ULK1: variants seen among roughly 807,000 people sequenced by gnomAD.
ULK1 encodes the protein unc-51 like autophagy activating kinase 1, also known as serine/threonine-protein kinase ULK1.
ULK1 carries 48 observed loss-of-function variants against 117.5 expected under a neutral mutation model. The ratio of observed to expected loss-of-function variants is 0.41; its 90% CI spans 0.32 to 0.52. ULK1 has a LOEUF of 0.52. Ranked by LOEUF, ULK1 falls within the 20% of genes least tolerant of loss-of-function variation. The pLI, the probability that ULK1 is intolerant of heterozygous loss-of-function variation, is 0.29. For missense variants in ULK1, 1,387 were observed against 1,473.4 expected, an observed-to-expected ratio of 0.94 and a Z score of 0.96; for synonymous variants, 790 against 637.8, an observed-to-expected ratio of 1.24 and a Z score of -3.60.
intron 13 of ULK1, 72 bp downstream of exon 13, chr12:131,912,161 GCA>G (rs529748156): frequency 4.1e-4 from 634 of 1,534,390 alleles, no homozygotes; most frequent in Non-Finnish European, 5.4e-4. Context: ...TGTGTTGGAT[GCA>G]CAGTGTGTAA....
intron 20 of ULK1, among the ~76,000 whole-genome samples, 157 bp downstream of exon 20, chr12:131,916,748 C>T (rs1217467276): frequency 6.6e-6 from 1 of 152,204 alleles, no homozygotes; most frequent in African/African-American, 2.4e-5. Context: ...GCCTGGCCCA[C>T]CTGTGGCTGG....
Position 131,921,933 on chromosome 12 carries a change from G to A in ULK1, c.*572G>A. The A allele has an allele frequency of 2.2e-6, 1 of 456,494 alleles. No homozygotes were observed. The highest frequency in any genetic ancestry group is 4.4e-6 in the Non-Finnish European group (1 of 226,946). 28.3% of individuals were successfully genotyped at this position (456,494 alleles called of 1,614,324 possible). On this transcript the variant is annotated 3_prime_UTR_variant, in exon 28 of 28. Coordinates refer to ENST00000321867, the MANE Select transcript of ULK1 (RefSeq NM_003565.4). The stretch of plus-strand genomic sequence containing the variant: ...TGGTGTTTGTACATACACATATGCA[G>A]ACACATGCCAGGGCCCCCCAAGCCC...
intron 4 of ULK1, 119 bp from the exon 5 acceptor site, chr12:131,907,376 G>A (rs1184672276): frequency 8.4e-6 from 11 of 1,317,282 alleles, no homozygotes; most frequent in Middle Eastern, 2.0e-4. Context: ...CCCTGGGCTG[G>A]GCAGGTGCCT....
intron 25 of ULK1, 162 bp downstream of exon 25, chr12:131,919,752 G>A: frequency 9.7e-7 from 1 of 1,031,338 alleles, no homozygotes; most frequent in South Asian, 1.5e-5. Context: ...AGAGGCCATT[G>A]GGTCGGACAG....
rs1379652198 is a variant in ULK1, at chr12:131,915,436, GA to G, written c.1609+16del. ...CCCTCGTCCAGGTGGGTGCAGTCCG[GA>G]GGGGGGAGGGGGTGCTAGGCTGACC... On this transcript the variant is annotated intron_variant, in intron 18 of 27. Transcript: ENST00000321867. 2 of 1,611,072 alleles carry G rather than the reference GA, an allele frequency of 1.2e-6. No individual in the cohort carries two copies. Among genetic ancestry groups the G allele is most frequent in the East Asian group, 2.2e-5 (1 of 44,886 alleles).
Position 131,906,002 on chromosome 12 carries a change from G to T in ULK1, c.247-890G>T, listed in dbSNP as rs563637123. Among the ~76,000 whole-genome samples the T allele has an allele frequency of 4.6e-5, 7 of 152,348 alleles. No individual in the cohort carries two copies. The East Asian group carries it at 1.3e-3, about 29-fold the overall frequency. On this transcript the variant is annotated intron_variant, in intron 3 of 27. Coordinates refer to ENST00000321867, the MANE Select transcript of ULK1 (RefSeq NM_003565.4). ...CTCTGACCGAAGGCATTGGGGCGAGGGATGGCAGCCTGAGCTGCAGCCAGG... is the reference window on the plus strand; with the variant it reads ...CTCTGACCGAAGGCATTGGGGCGAGTGATGGCAGCCTGAGCTGCAGCCAGG...
chr12:131,917,861 A>C (rs1185211728), intron 22 of ULK1, among the ~76,000 whole-genome samples: 1 of 152,218 alleles, frequency 6.6e-6, no homozygotes, highest in African/African-American at 2.4e-5. Context: ...CTCCTTGCCC[A>C]GCTGCCGTGG....
intron 3 of ULK1, among the ~76,000 whole-genome samples, chr12:131,904,259 C>T (rs1222192201): frequency 6.6e-6 from 1 of 152,214 alleles, no homozygotes; most frequent in Non-Finnish European, 1.5e-5. Context: ...AGCCACCCTC[C>T]CACCTCAGTC....
At position 131,912,055 on chromosome 12, in the gene ULK1, A is replaced by G. The variant is rs149423522; in HGVS notation, c.1062A>G (p.Thr354=). ...SGGSKDSSCD[T]DDFVMVPAQF... is the part of the protein sequence containing the mutation. ...GCAGCAAGGACTCTTCCTGTGACAC[A>G]GACGACTTCGTCATGGTCCCCGCGC... The change falls in exon 13 of 28, where the codon ACA becomes ACG. Residue 354 remains threonine (T), a synonymous_variant. Coordinates refer to ENST00000321867, the MANE Select transcript of ULK1 (RefSeq NM_003565.4). 1.2e-6 allele frequency: 2 copies of G among 1,612,770 alleles called. No individual in the cohort carries two copies. Among genetic ancestry groups the G allele is most frequent in the Non-Finnish European group, 1.7e-6 (2 of 1,179,922 alleles).
At chr12:131,908,389 C>T (rs943374051) in intron 5 of ULK1, among the ~76,000 whole-genome samples, 5 of 152,136 alleles carry the variant, frequency 3.3e-5, no homozygotes, top group Non-Finnish European at 7.4e-5. Context: ...CTTCGGCGGC[C>T]TCCCGTCTCT....
At chr12:131,905,159 G>T (rs1008232000) in intron 3 of ULK1, among the ~76,000 whole-genome samples, 4 of 152,138 alleles carry the variant, frequency 2.6e-5, no homozygotes, top group Non-Finnish European at 5.9e-5. Context: ...GGATCCTGGG[G>T]TTGCTGCCTG....
In ULK1 at chr12:131,918,566, C is replaced by T. The variant is rs1051094948; in HGVS notation, c.2396C>T (p.Ala799Val). The T allele has an allele frequency of 3.1e-6, 5 of 1,611,162 alleles. No individual in the cohort carries two copies. The highest frequency in any genetic ancestry group is 1.1e-5 in the South Asian group (1 of 90,816). ...CCTGGGCCCTGCAGCGAGGCCCCAG[C>T]CCCTGAGCTCCCTGCTCCAGGACAC... The part of the protein sequence containing the change: ...LVPGPCSEAP[A>V]PELPAPGHGC... Residue 799 changes from alanine (A) to valine (V), a missense_variant, in exon 23 of 28, where the codon GCC becomes GTC. Coordinates refer to ENST00000321867, the MANE Select transcript of ULK1 (RefSeq NM_003565.4).
In ULK1 at chr12:131,921,850, T is replaced by C; in HGVS notation, c.*489T>C. The C allele has an allele frequency of 8.7e-6, 4 of 461,708 alleles. No individual in the cohort carries two copies. The highest frequency in any genetic ancestry group is 6.2e-5 in the South Asian group (4 of 64,584). 28.6% of individuals were successfully genotyped at this position (461,708 alleles called of 1,614,324 possible). A position where few individuals can be genotyped will look rare whatever the true frequency, so the allele number is the denominator to read the frequency against. On this transcript the variant is annotated 3_prime_UTR_variant, in exon 28 of 28. Coordinates refer to ENST00000321867, the MANE Select transcript of ULK1 (RefSeq NM_003565.4). ...CAATCACCCAAGCACTTTATGCATA[T>C]AGAGACAGAACCTGGACCTCACCAG...
At chr12:131,920,964 C>G in intron 26 of ULK1, 136 bp from the exon 27 acceptor site, 1 of 1,253,466 alleles carries the variant, frequency 8.0e-7, no homozygotes, top group Admixed American at 2.7e-5. Context: ...GCAGGCTGCA[C>G]CAGCACTTAT....
Position 131,919,527 on chromosome 12 carries a change from C to G in ULK1, c.2740C>G (p.Leu914Val), listed in dbSNP as rs146607520. The G allele has an allele frequency of 2.8e-5, 45 of 1,612,116 alleles. No individual in the cohort carries two copies. Among genetic ancestry groups the G allele is most frequent in the Non-Finnish European group, 3.6e-5 (43 of 1,179,624 alleles). Residue 914 changes from leucine (L) to valine (V), a missense_variant, in exon 25 of 28, where the codon CTG (leucine) becomes GTG (valine). Leu to Val is a conservative substitution (Grantham distance 32). Coordinates refer to ENST00000321867, the MANE Select transcript of ULK1 (RefSeq NM_003565.4). Reference protein sequence around the residue: ...LKVAELLSSGLQSAIDQIRAG... With the variant: ...LKVAELLSSGVQSAIDQIRAG... ...GGTGGCCGAGCTACTGTCCTCCGGC[C>G]TGCAAAGTGCCATCGACCAGATCCG...
chr12:131,901,344 G>A (rs1889079808), intron 3 of ULK1, among the ~76,000 whole-genome samples: 1 of 149,476 alleles, frequency 6.7e-6, no homozygotes, highest in Non-Finnish European at 1.5e-5. Context: ...GGGTGACAGC[G>A]AGACTCGTCT....
At chr12:131,907,029 T>C in intron 4 of ULK1, 105 bp downstream of exon 4, 4 of 1,500,092 alleles carry the variant, frequency 2.7e-6, no homozygotes, top group Admixed American at 3.6e-5. Flanking sequence ...CACCTTTTCT[T>C]TTTTTTTGAG....
chr12:131,921,218 TC>T lies in ULK1; in HGVS notation c.3081del (p.Ile1027MetfsTer19), dbSNP rs1890135855. ...LQHMLSDQAD[I>X]ENVTKCKLCI... Reference sequence around the variant, plus strand: ...CACATGCTCTCGGACCAGGCCGACATCGAGAACGTCACCAAGTGTGAGTGCC... The same window carrying T: ...CACATGCTCTCGGACCAGGCCGACATGAGAACGTCACCAAGTGTGAGTGCC... On this transcript the variant is annotated frameshift_variant, in exon 27 of 28. Transcript: ENST00000321867. LOFTEE classifies it high-confidence loss of function. 6.2e-7 allele frequency: 1 copy of T among 1,606,956 alleles called. No individual in the cohort carries two copies. The highest frequency in any genetic ancestry group is 1.1e-5 in the South Asian group (1 of 91,080).
chr12:131,915,299 C>T (rs1220333122), intron 17 of ULK1, 36 bp from the exon 18 acceptor site: 3 of 1,611,446 alleles, frequency 1.9e-6, no homozygotes, highest in South Asian at 2.2e-5. Flanking sequence ...TGTCTCTGTC[C>T]CAGCTGGACC....
Sources: gnomAD v4.1 joint callset for allele counts (sites outside exome capture counted in the v4.1 genomes callset) on GRCh38, gnomAD v4.1.1 for gene constraint, MANE v1.5 for transcripts, NCBI Gene and HGNC (gene_info 2026-07-23, HGNC 2026-07-21) for gene names.